The following RALYL variants were observed in gnomAD, a reference collection of about 807,000 sequenced individuals.
The protein encoded by RALYL is RNA-binding Raly-like protein.
RALYL carries 29 observed loss-of-function variants against 35.1 expected under a neutral mutation model. The observed-to-expected ratio is 0.83, with a 90% CI of 0.61 to 1.13. RALYL has a LOEUF of 1.13. RALYL is among the 50% of genes most tolerant of loss of function. The probability of loss-of-function intolerance (pLI) is 0.00; values close to 1 mark genes in which losing one functional copy is unlikely to be tolerated. For missense variants in RALYL, 359 were observed against 360.4 expected (o/e 1.00, Z 0.03); for synonymous variants, 120 against 127.6 (o/e 0.94, Z 0.40).
chr8:84,208,652 C>T (rs940954531), intron 1 of RALYL, among the ~76,000 whole-genome samples: 1 of 152,120 alleles, frequency 6.6e-6, no homozygotes, highest in Admixed American at 6.5e-5. Flanking sequence ...TTGCTTGAGC[C>T]TCAGTTTCCT....
At chr8:84,582,289 C>T (rs1284871667) in intron 2 of RALYL, among the ~76,000 whole-genome samples, 1 of 151,992 alleles carries the variant, frequency 6.6e-6, no homozygotes, top group Admixed American at 6.6e-5. Flanking sequence ...TACCTATAAC[C>T]ATGTGGAGAG....
rs562590136 is a variant in RALYL at position 84,743,887 on chromosome 8, G to A, written c.257-30692G>A. 3.9e-5 allele frequency among the ~76,000 whole-genome samples: 6 copies of A among 152,126 alleles called. No individual in the cohort carries two copies. The South Asian group carries it at 1.2e-3, about 32-fold the overall frequency. On this transcript the variant is annotated intron_variant, in intron 2 of 8. Transcript: ENST00000521268. ...TCACTTATATAAGGTACCTAGAATA[G>A]TTAAATTCATACAGACAGAAAGCAG...
chr8:84,301,619 G>A (rs1683736685), intron 1 of RALYL, among the ~76,000 whole-genome samples: 2 of 151,968 alleles, frequency 1.3e-5, no homozygotes, highest in South Asian at 2.1e-4. Flanking sequence ...TTAAATTTTT[G>A]TCAAAGTATT....
At chr8:84,430,899 G>A (rs756485935) in intron 1 of RALYL, among the ~76,000 whole-genome samples, 28 of 152,174 alleles carry the variant, frequency 1.8e-4, no homozygotes, top group Non-Finnish European at 2.8e-4. Context: ...CTTCCATACC[G>A]TCAATGACAG....
At chr8:84,792,231 T>A (rs1171635884) in intron 3 of RALYL, among the ~76,000 whole-genome samples, 1 of 152,132 alleles carries the variant, frequency 6.6e-6, no homozygotes, top group Non-Finnish European at 1.5e-5. Context: ...ACTTGAAAGA[T>A]GAATGCGGGG....
chr8:84,220,494 C>T (rs1821933622), intron 1 of RALYL, among the ~76,000 whole-genome samples: 1 of 151,890 alleles, frequency 6.6e-6, no homozygotes, highest in African/African-American at 2.4e-5. Context: ...AAATGATTGA[C>T]ATAGGGCTCA....
intron 2 of RALYL, among the ~76,000 whole-genome samples, chr8:84,742,451 A>T (rs189046903): frequency 2.8e-4 from 43 of 152,158 alleles, no homozygotes; most frequent in African/African-American, 1.0e-3. Flanking sequence ...TTGGACCAAA[A>T]AAATTGTTTT....
chr8:84,672,314 A>T (rs949865796), intron 2 of RALYL, among the ~76,000 whole-genome samples: 4 of 152,182 alleles, frequency 2.6e-5, no homozygotes, highest in African/African-American at 9.7e-5. Flanking sequence ...AAGCCATTCA[A>T]CAATTCTCTA....
At chr8:84,677,252 T>C (rs892190149) in intron 2 of RALYL, among the ~76,000 whole-genome samples, 1 of 152,236 alleles carries the variant, frequency 6.6e-6, no homozygotes, top group African/African-American at 2.4e-5. Context: ...AATTTGATCT[T>C]GATTAGCCTT....
At chr8:84,898,040 G>C (rs1020856567) in intron 8 of RALYL, among the ~76,000 whole-genome samples, 3 of 152,164 alleles carry the variant, frequency 2.0e-5, no homozygotes, top group Non-Finnish European at 4.4e-5. Flanking sequence ...GAATTAGATG[G>C]CATTCCGCAT....
chr8:84,218,655 C>G (rs1821430061), intron 1 of RALYL, among the ~76,000 whole-genome samples: 1 of 152,024 alleles, frequency 6.6e-6, no homozygotes, highest in South Asian at 2.1e-4. Context: ...AACTCCAACA[C>G]TGATTGGAAT....
intron 1 of RALYL, among the ~76,000 whole-genome samples, chr8:84,283,960 TA>T (rs56885441): frequency 3.3e-5 from 5 of 150,700 alleles, no homozygotes; most frequent in South Asian, 2.1e-4. Flanking sequence ...ATTAGACCAG[TA>T]AAAAAAAATG....
intron 4 of RALYL, among the ~76,000 whole-genome samples, chr8:84,807,917 C>T (rs770956450): frequency 6.6e-5 from 10 of 152,140 alleles, no homozygotes; most frequent in South Asian, 6.2e-4. Context: ...GGATATTAGT[C>T]CTTTGTTAGA....
intron 2 of RALYL, among the ~76,000 whole-genome samples, chr8:84,550,412 TAATC>T (rs2060636909): frequency 6.6e-6 from 1 of 152,126 alleles, no homozygotes; most frequent in Non-Finnish European, 1.5e-5. Flanking sequence ...AGTTAAAATT[TAATC>T]AACACATGAG....
chr8:84,277,400 T>A (rs1242337760), intron 1 of RALYL, among the ~76,000 whole-genome samples: 6 of 152,100 alleles, frequency 3.9e-5, no homozygotes, highest in Admixed American at 3.9e-4. Flanking sequence ...GGGCTTATTA[T>A]AATTAAAGGT....
intron 8 of RALYL, among the ~76,000 whole-genome samples, chr8:84,904,693 G>A (rs1287192965): frequency 6.6e-6 from 1 of 151,798 alleles, no homozygotes; most frequent in Non-Finnish European, 1.5e-5. Flanking sequence ...ATTACCTCCA[G>A]TTTATGGGAA....
Position 84,887,601 on chromosome 8 carries a change from C to G in RALYL, c.686-3C>G, listed in dbSNP as rs749256254. 8.1e-6 allele frequency: 13 copies of G among 1,596,638 alleles called. No homozygotes were observed. Among genetic ancestry groups the G allele is most frequent in the Admixed American group, 5.3e-5 (3 of 57,006 alleles). Reference sequence around the variant, plus strand: ...GTAGTCATTTGCTTTCTCCCCCCCCCAGAAGCTCAGAAGAAGCAATTGGAA... The same window carrying G: ...GTAGTCATTTGCTTTCTCCCCCCCCGAGAAGCTCAGAAGAAGCAATTGGAA... On this transcript the variant is annotated splice_polypyrimidine_tract_variant and splice_region_variant and intron_variant, in intron 7 of 8. Transcript: ENST00000521268.
intron 1 of RALYL, among the ~76,000 whole-genome samples, chr8:84,344,840 C>A (rs1028908831): frequency 3.9e-5 from 6 of 152,068 alleles, no homozygotes; most frequent in Non-Finnish European, 7.4e-5. Flanking sequence ...TAATGTCTTC[C>A]AGGTTCATTC....
chr8:84,532,279 C>A (rs1259421600), intron 2 of RALYL, among the ~76,000 whole-genome samples: 2 of 152,022 alleles, frequency 1.3e-5, no homozygotes, highest in Non-Finnish European at 2.9e-5. Context: ...AAAGACATGA[C>A]TTCCAATTGT....
Sources: gnomAD v4.1 joint callset for allele counts (sites outside exome capture counted in the v4.1 genomes callset) on GRCh38, gnomAD v4.1.1 for gene constraint, MANE v1.5 for transcripts, NCBI Gene and HGNC (gene_info 2026-07-23, HGNC 2026-07-21) for gene names.